Variants in ASB5 observed in about 807,000 individuals in gnomAD.
ASB5 encodes the protein ankyrin repeat and SOCS box protein 5.
Under a neutral mutation model 42.1 loss-of-function variants are expected in ASB5, and 45 were observed. That is an observed-to-expected ratio of 1.07 (90% CI 0.84 to 1.37). The LOEUF is 1.37. ASB5 is among the 40% of genes most tolerant of loss of function. The pLI is 0.00. For missense variants in ASB5, 402 were observed against 399.8 expected (o/e 1.01, Z -0.05); for synonymous variants, 147 against 150.6 (o/e 0.98, Z 0.18).
At chr4:176,223,030 G>T (rs35693487) in intron 2 of ASB5, among the ~76,000 whole-genome samples, 5 of 151,926 alleles carry the variant, frequency 3.3e-5, no homozygotes, top group African/African-American at 1.2e-4. Flanking sequence ...CACCCACCTT[G>T]GCCTCCCAAA....
chr4:176,227,388 A>G (rs1424665267), intron 1 of ASB5, among the ~76,000 whole-genome samples: 1 of 152,188 alleles, frequency 6.6e-6, no homozygotes, highest in Non-Finnish European at 1.5e-5. Flanking sequence ...ATTCTGTAAT[A>G]TTACCAGATA....
chr4:176,268,146 G>T (rs140076918), intron 1 of ASB5, among the ~76,000 whole-genome samples: 2 of 152,096 alleles, frequency 1.3e-5, no homozygotes, highest in Admixed American at 6.6e-5. Context: ...TGCCATATGA[G>T]TCATTTTTAT....
chr4:176,229,647 C>A (rs887857394), intron 1 of ASB5, among the ~76,000 whole-genome samples: 7 of 146,380 alleles, frequency 4.8e-5, no homozygotes, highest in African/African-American at 1.8e-4. Flanking sequence ...CTTTATCATC[C>A]AAACTTAAGT....
chr4:176,254,572 AG>A (rs2126972128), intron 1 of ASB5, among the ~76,000 whole-genome samples: 1 of 152,172 alleles, frequency 6.6e-6, no homozygotes, highest in East Asian at 1.9e-4. Flanking sequence ...ACCTAATTAA[AG>A]TTTTGCACAG....
intron 1 of ASB5, among the ~76,000 whole-genome samples, chr4:176,241,182 TAAC>T (rs1382611952): frequency 1.3e-5 from 2 of 152,208 alleles, no homozygotes; most frequent in Non-Finnish European, 2.9e-5. Flanking sequence ...ACTATAATAT[TAAC>T]AAACACAGGT....
chr4:176,237,700 G>T, intron 1 of ASB5: 1 of 504,794 alleles, frequency 2.0e-6, no homozygotes, highest in Non-Finnish European at 2.6e-6. Context: ...TTAACTATTT[G>T]TGTGATATAG....
At position 176,213,770 on chromosome 4, in the gene ASB5, C is replaced by T. The variant is rs2126933549; in HGVS notation, c.*1830G>A. 1 of 152,104 alleles carries T rather than the reference C, an allele frequency of 6.6e-6. No individual in the cohort carries two copies. Among genetic ancestry groups the T allele is most frequent in the East Asian group, 1.9e-4 (1 of 5,188 alleles). 9.4% of individuals were successfully genotyped at this position (152,104 alleles called of 1,614,324 possible). ...CTTTGATAAGACAATCATACTCAAG[C>T]TAAGATACAAGGTACAGACATACTG... On this transcript the variant is annotated 3_prime_UTR_variant, in exon 7 of 7. Coordinates refer to ENST00000296525, the MANE Select transcript of ASB5 (RefSeq NM_080874.4).
intron 1 of ASB5, among the ~76,000 whole-genome samples, chr4:176,243,979 A>T (rs914118998): frequency 3.3e-5 from 5 of 152,216 alleles, no homozygotes; most frequent in African/African-American, 1.2e-4. Context: ...ATTCAATCTG[A>T]ACATTGTAAT....
chr4:176,259,027 T>C (rs1421334740), intron 1 of ASB5, among the ~76,000 whole-genome samples: 1 of 152,110 alleles, frequency 6.6e-6, no homozygotes, highest in Non-Finnish European at 1.5e-5. Context: ...TAATGGTAAG[T>C]AGCCAGAAAA....
At chr4:176,227,800 T>A (rs1255407655) in intron 1 of ASB5, among the ~76,000 whole-genome samples, 1 of 152,128 alleles carries the variant, frequency 6.6e-6, no homozygotes, top group African/African-American at 2.4e-5. Flanking sequence ...ACACACACAC[T>A]CTCTCTCATG....
At chr4:176,219,197 T>A in intron 5 of ASB5, among the ~76,000 whole-genome samples, 1 of 119,930 alleles carries the variant, frequency 8.3e-6, no homozygotes, top group Admixed American at 1.0e-4. Context: ...TATAAATATA[T>A]ATATTTGTAT....
chr4:176,223,526 A>G (rs937203709), intron 2 of ASB5, among the ~76,000 whole-genome samples: 6 of 152,192 alleles, frequency 3.9e-5, no homozygotes, highest in African/African-American at 1.2e-4. Context: ...TTCATTGTCT[A>G]TTGACAATCA....
intron 1 of ASB5, among the ~76,000 whole-genome samples, chr4:176,227,264 T>G (rs1010637098): frequency 2.6e-5 from 4 of 152,214 alleles, no homozygotes; most frequent in Non-Finnish European, 5.9e-5. Flanking sequence ...CTTAGACTAG[T>G]GTACACACAT....
At chr4:176,253,488 C>T (rs528002945) in intron 1 of ASB5, among the ~76,000 whole-genome samples, 1 of 152,288 alleles carries the variant, frequency 6.6e-6, no homozygotes, top group East Asian at 1.9e-4. Flanking sequence ...TGGAACAAGA[C>T]AATGATGCCC....
At chr4:176,260,232 C>G (rs1015196288) in intron 1 of ASB5, among the ~76,000 whole-genome samples, 2 of 152,140 alleles carry the variant, frequency 1.3e-5, no homozygotes, top group African/African-American at 4.8e-5. Context: ...CCCATGGGGA[C>G]CTTGCCCCCT....
At chr4:176,232,344 C>A (rs12643638) in intron 1 of ASB5, among the ~76,000 whole-genome samples, 139,358 of 151,960 alleles carry the variant, frequency 0.92, 64,035 homozygotes, top group Non-Finnish European at 0.93. Context: ...GGCTGGTCTC[C>A]AACTCCTGAC....
At chr4:176,237,768 T>C (rs899832047) in intron 1 of ASB5, among the ~76,000 whole-genome samples, 3 of 152,248 alleles carry the variant, frequency 2.0e-5, no homozygotes, top group African/African-American at 7.2e-5. Context: ...AAATGAGCTC[T>C]ATCGTTAAAA....
In ASB5 at chr4:176,222,294, T is replaced by C; in HGVS notation, c.384+19A>G. ...CCGTCAGTAGATGTTAAATGATTAA[T>C]GTTTTGAAAGGTACTTACATTAGCT... On this transcript the variant is annotated intron_variant, in intron 3 of 6. Coordinates refer to ENST00000296525, the MANE Select transcript of ASB5 (RefSeq NM_080874.4). 1.3e-6 allele frequency: 2 copies of C among 1,574,050 alleles called. No individual in the cohort carries two copies. The highest frequency in any genetic ancestry group is 1.7e-6 in the Non-Finnish European group (2 of 1,143,682).
intron 1 of ASB5, among the ~76,000 whole-genome samples, chr4:176,250,882 G>A (rs535704456): frequency 6.6e-6 from 1 of 152,206 alleles, no homozygotes; most frequent in African/African-American, 2.4e-5. Context: ...ATAAGAACTG[G>A]GCATTTACCA....
Sources: allele counts gnomAD v4.1 joint callset (sites outside exome capture counted in the v4.1 genomes callset), GRCh38; gene constraint gnomAD v4.1.1; transcripts MANE v1.5; gene names NCBI Gene and HGNC (gene_info 2026-07-23, HGNC 2026-07-21).